The following SLC49A3 variants were observed in gnomAD, a reference collection of about 807,000 sequenced individuals.
SLC49A3 encodes the protein solute carrier family 49 member A3.
SLC49A3 carries 50 observed loss-of-function variants against 43.8 expected under a neutral mutation model. That is an observed-to-expected ratio of 1.14 (90% CI 0.91 to 1.45). The LOEUF is 1.45. SLC49A3 is among the 40% of genes most tolerant of loss of function. SLC49A3 has a pLI of 0.00. For missense variants in SLC49A3, 906 were observed against 774.1 expected (o/e 1.17, Z -2.02); for synonymous variants, 413 against 352.0 (o/e 1.17, Z -1.94).
rs377189455 is a variant in SLC49A3, at chr4:686,191, A to G, written c.406T>C (p.Cys136Arg). ...FAFLMGGQSLCALAQSLVIFS... is the reference protein window; with the variant it reads ...FAFLMGGQSLRALAQSLVIFS... ...ATGACCAGGCTCTGGGCAAGGGCAC[A>G]GAGGCTCTGGCCACCCATGAGGAAG... The change falls in exon 3 of 10, where the codon TGT becomes CGT. Residue 136 changes from cysteine to arginine, a missense_variant. By Grantham distance (180) the Cys-to-Arg change is radical. Transcript: ENST00000322224. The G allele has an allele frequency of 9.2e-5, 149 of 1,613,534 alleles. No homozygotes were observed. Among genetic ancestry groups the G allele is most frequent in the Middle Eastern group, 1.6e-4 (1 of 6,062 alleles).
In SLC49A3 at chr4:685,164, C is replaced by T. The variant is rs1019057787; in HGVS notation, c.586-308G>A. 1.7e-5 allele frequency: 8 copies of T among 461,492 alleles called. No individual in the cohort carries two copies. Among genetic ancestry groups the T allele is most frequent in the Non-Finnish European group, 3.1e-5 (8 of 258,118 alleles). 28.6% of individuals were successfully genotyped at this position (461,492 alleles called of 1,614,324 possible). The stretch of plus-strand genomic sequence containing the variant: ...CTGCACAGCCCATGATAGGGCTCAA[C>T]ACACAGACACAGGTGGGTGCAGAGG... On this transcript the variant is annotated intron_variant, in intron 4 of 9. Coordinates refer to ENST00000322224, the MANE Select transcript of SLC49A3 (RefSeq NM_032219.4). The surrounding 1 kb of genome is among the most constrained non-coding windows in gnomAD (Gnocchi z 4.3).
rs561400044 is a variant in SLC49A3, at chr4:682,971, G to C, written c.1152-81C>G. Reference sequence around the variant, plus strand: ...TGCCACCTTGGGAAATGTTGACATCGGTGCTGTCCCTTGTGCCACCACCCT... The same window carrying C: ...TGCCACCTTGGGAAATGTTGACATCCGTGCTGTCCCTTGTGCCACCACCCT... On this transcript the variant is annotated intron_variant, in intron 8 of 9. Transcript: ENST00000322224. 6 of 1,290,870 alleles carry C rather than the reference G, an allele frequency of 4.6e-6. No individual in the cohort carries two copies. The South Asian group carries it at 8.5e-5, about 18-fold the overall frequency. The allele number at this position is 1,290,870 out of a possible 1,614,324, so 80.0% of individuals were successfully genotyped here. A position where few individuals can be genotyped will look rare whatever the true frequency, so the allele number is the denominator to read the frequency against.
upstream of SLC49A3, among the ~76,000 whole-genome samples, chr4:691,624 A>T (rs1741896564): frequency 6.6e-6 from 1 of 151,994 alleles, no homozygotes; most frequent in Admixed American, 6.6e-5. Flanking sequence ...AACAAGGAAA[A>T]AAAAACAAGC....
chr4:682,688 T>C, intron 9 of SLC49A3, 93 bp downstream of exon 9: 1 of 1,037,982 alleles, frequency 9.6e-7, no homozygotes, highest in Non-Finnish European at 1.4e-6. Flanking sequence ...TGTTTAGGGC[T>C]CCCCACGTAG....
chr4:678,463 G>C, downstream of SLC49A3: 1 of 1,431,168 alleles, frequency 7.0e-7, no homozygotes, highest in Non-Finnish European at 9.1e-7. Flanking sequence ...GCTGAAGCCA[G>C]ACACCTGCAG....
At chr4:690,053 G>A (rs10026699), upstream of SLC49A3, among the ~76,000 whole-genome samples, 13,413 of 152,250 alleles carry the variant, frequency 0.088, 1,031 homozygotes, top group African/African-American at 0.21. Context: ...TTCCTGAACA[G>A]TATTATTCGT....
rs1383202843 is a variant in SLC49A3 at position 685,586 on chromosome 4, G to C, written c.585+249C>G. On this transcript the variant is annotated intron_variant, in intron 4 of 9. Coordinates refer to ENST00000322224, the MANE Select transcript of SLC49A3 (RefSeq NM_032219.4). The surrounding 1 kb of genome is among the most constrained non-coding windows in gnomAD (Gnocchi z 4.3). ...CCAAGCATGGTGGCGCACGCCTGTA[G>C]TCCCAGCTACTCGGGAAGATGAGGC... 2.0e-5 allele frequency among the ~76,000 whole-genome samples: 3 copies of C among 152,032 alleles called. No individual in the cohort carries two copies. The highest frequency in any genetic ancestry group is 4.4e-5 in the Non-Finnish European group (3 of 67,998).
intron 1 of SLC49A3, among the ~76,000 whole-genome samples, chr4:688,463 G>T (rs1741477011): frequency 6.6e-6 from 1 of 152,210 alleles, no homozygotes; most frequent in Admixed American, 6.5e-5. Flanking sequence ...GATACTGCCT[G>T]ACCAGTTCCT....
rs1237916255 is a variant in SLC49A3 at position 685,772 on chromosome 4, A to C, written c.585+63T>G. ...AACACGGACACACTTGGGATCAGGA[A>C]CACACAGACGTGCATGCGCACACAC... On this transcript the variant is annotated intron_variant, in intron 4 of 9. Coordinates refer to ENST00000322224, the MANE Select transcript of SLC49A3 (RefSeq NM_032219.4). The surrounding 1 kb of genome is among the most constrained non-coding windows in gnomAD (Gnocchi z 4.3). The C allele has an allele frequency of 1.9e-6, 3 of 1,551,642 alleles. No homozygotes were observed. Among genetic ancestry groups the C allele is most frequent in the Non-Finnish European group, 2.7e-6 (3 of 1,125,642 alleles).
chr4:678,905 G>A (rs1465125751), downstream of SLC49A3: 6 of 1,606,280 alleles, frequency 3.7e-6, no homozygotes, highest in African/African-American at 1.3e-5. Flanking sequence ...AGCAGGGGGC[G>A]GGGCAGAGCC....
At chr4:678,279 C>T, downstream of SLC49A3, 1 of 1,453,708 alleles carries the variant, frequency 6.9e-7, no homozygotes, top group Non-Finnish European at 9.1e-7. Flanking sequence ...GAGTCCGGAG[C>T]AGGATGAGGG....
In SLC49A3 at chr4:686,705, C is replaced by T. The variant is rs200944045; in HGVS notation, c.136-15G>A. On this transcript the variant is annotated splice_polypyrimidine_tract_variant and intron_variant, in intron 1 of 9. Transcript: ENST00000322224. ...CTGAGCCACAGCTGCAGGGGTCAGG[C>T]GGGAGTCAGCGCAGGGCCACAGACC... 781 of 1,609,120 alleles carry T rather than the reference C, an allele frequency of 4.9e-4. 3 individuals are homozygous for T. In the African/African-American group the frequency reaches 9.1e-3, roughly 19 times the overall value.
At position 682,033 on chromosome 4, in the gene SLC49A3, G is replaced by GC. The variant is rs1205545573; in HGVS notation, c.1604dup (p.Arg536GlnfsTer9). 8.4e-6 allele frequency: 12 copies of GC among 1,430,388 alleles called. No homozygotes were observed. The highest frequency in any genetic ancestry group is 9.3e-6 in the Non-Finnish European group (10 of 1,079,114). The allele number at this position is 1,430,388 out of a possible 1,614,324, so 88.6% of individuals were successfully genotyped here. On this transcript the variant is annotated frameshift_variant, in exon 10 of 10. Transcript: ENST00000322224. LOFTEE classifies it low-confidence loss of function (END_TRUNC). The stretch of plus-strand genomic sequence containing the variant: ...CAATAAACCTGGACGCTTGGACCCT[G>GC]CCTGCGAGTCTGCCGGGGCGGGAGG...
downstream of SLC49A3, chr4:681,032 C>A: frequency 6.5e-7 from 1 of 1,548,292 alleles, no homozygotes; most frequent in East Asian, 2.4e-5. Flanking sequence ...ACCTGAGCCC[C>A]ACCGAGAAGG....
intron 8 of SLC49A3, 45 bp downstream of exon 8, chr4:683,165 A>G (rs1380477208): frequency 6.2e-7 from 1 of 1,611,128 alleles, no homozygotes; most frequent in South Asian, 1.1e-5. Flanking sequence ...GGGTGGAGCA[A>G]GGGGAGTATC....
chr4:678,198 G>A, downstream of SLC49A3: 9 of 1,523,002 alleles, frequency 5.9e-6, no homozygotes, highest in Non-Finnish European at 8.0e-6. Flanking sequence ...GTATGTGCGT[G>A]TGTGTGACCT....
At chr4:679,973 A>C, downstream of SLC49A3, 1 of 1,613,650 alleles carries the variant, frequency 6.2e-7, no homozygotes, top group Non-Finnish European at 8.5e-7. Context: ...CTCGGGGCCC[A>C]TCAACTTCAC....
downstream of SLC49A3, chr4:678,529 G>GC: frequency 6.8e-7 from 1 of 1,461,180 alleles, no homozygotes; most frequent in Non-Finnish European, 9.0e-7. Context: ...CTCCTCAGCT[G>GC]TCTGGCCCCC....
chr4:678,083 G>T (rs1222673133), downstream of SLC49A3: 1 of 1,606,364 alleles, frequency 6.2e-7, no homozygotes, highest in African/African-American at 1.4e-5. Context: ...GAGCTGTGCT[G>T]TGCATGTGTA....
Sources: gnomAD v4.1 joint callset for allele counts (sites outside exome capture counted in the v4.1 genomes callset) on GRCh38, gnomAD v4.1.1 for gene constraint, Gnocchi (gnomAD v3.1) non-coding constraint, MANE v1.5 for transcripts, NCBI Gene and HGNC (gene_info 2026-07-23, HGNC 2026-07-21) for gene names.